Variants in PIP5K1B observed in about 807,000 individuals in gnomAD.
The protein encoded by PIP5K1B is phosphatidylinositol 4-phosphate 5-kinase type-1 beta.
In PIP5K1B, 42 loss-of-function variants were observed where a neutral mutation model predicts 67.0. The observed-to-expected ratio is 0.63, with a 90% CI of 0.49 to 0.81. The LOEUF (loss-of-function observed/expected upper bound fraction) is 0.81, where lower values mean the gene tolerates loss of function less well. Ranked by LOEUF, PIP5K1B falls within the 30% of genes least tolerant of loss-of-function variation. The pLI, the probability that PIP5K1B is intolerant of heterozygous loss-of-function variation, is 0.00. For missense variants in PIP5K1B, 459 were observed against 646.3 expected, an observed-to-expected ratio of 0.71 and a Z score of 3.14; for synonymous variants, 214 against 231.4, an observed-to-expected ratio of 0.92 and a Z score of 0.68.
At chr9:68,883,617 CT>C (rs1564204416) in intron 6 of PIP5K1B, among the ~76,000 whole-genome samples, 2 of 152,028 alleles carry the variant, frequency 1.3e-5, no homozygotes, top group African/African-American at 4.8e-5. Flanking sequence ...TTCTTTCAGT[CT>C]CCCTCCTTTC....
At chr9:68,972,203 AT>A (rs770493213) in intron 14 of PIP5K1B, among the ~76,000 whole-genome samples, 3 of 152,186 alleles carry the variant, frequency 2.0e-5, no homozygotes, top group Non-Finnish European at 4.4e-5. Flanking sequence ...TTTTCTGCAT[AT>A]GGCTAGCCAG....
intron 4 of PIP5K1B, among the ~76,000 whole-genome samples, chr9:68,844,593 CAGTGGGGGAGATCCAATGGGGGAGATCT>C (rs1189765232): frequency 6.6e-6 from 1 of 151,024 alleles, no homozygotes; most frequent in Non-Finnish European, 1.5e-5. Context: ...GGGGGAGATC[CAGTGGGGGAGATCCAATGGGGGAGATCT>C]AATGGGGGAG....
In PIP5K1B at chr9:68,925,795, A is replaced by ATTTTTTTT. The variant is rs71353094; in HGVS notation, c.1201+2422_1201+2429dup. Among the ~76,000 whole-genome samples the ATTTTTTTT allele has an allele frequency of 4.3e-3, 318 of 73,250 alleles. 51 individuals carry two copies. The highest frequency in any genetic ancestry group is 7.0e-3 in the Admixed American group (34 of 4,868). 48.1% of individuals were successfully genotyped at this position (73,250 alleles called of 152,430 possible). A position where few individuals can be genotyped will look rare whatever the true frequency, so the allele number is the denominator to read the frequency against. ...ACATGAATACCAGCTTGTGGTTCCAATTTTTTTTTTTTTTTTTTTTGAGAC... is the reference window on the plus strand; with the variant it reads ...ACATGAATACCAGCTTGTGGTTCCAATTTTTTTTTTTTTTTTTTTTTTTTTTTTGAGAC... On this transcript the variant is annotated intron_variant, in intron 12 of 15. Coordinates refer to ENST00000265382, the MANE Select transcript of PIP5K1B (RefSeq NM_003558.4).
At chr9:68,990,715 G>C (rs1329487950) in intron 14 of PIP5K1B, among the ~76,000 whole-genome samples, 2 of 151,452 alleles carry the variant, frequency 1.3e-5, no homozygotes, top group African/African-American at 4.9e-5. Flanking sequence ...CCGGGCTAGA[G>C]TGCAGTGGTG....
intron 14 of PIP5K1B, among the ~76,000 whole-genome samples, chr9:68,961,126 C>T (rs1450737003): frequency 6.6e-6 from 1 of 151,168 alleles, no homozygotes; most frequent in Non-Finnish European, 1.5e-5. Context: ...AGGAGAATGG[C>T]GTGAACCCGG....
chr9:68,969,767 A>G (rs1322175981), intron 14 of PIP5K1B, among the ~76,000 whole-genome samples: 1 of 152,192 alleles, frequency 6.6e-6, no homozygotes, highest in East Asian at 1.9e-4. Flanking sequence ...TCATAAGTAA[A>G]CAAACTTCAG....
intron 4 of PIP5K1B, among the ~76,000 whole-genome samples, chr9:68,845,747 G>A (rs1305661734): frequency 2.6e-5 from 4 of 152,200 alleles, no homozygotes; most frequent in Admixed American, 2.6e-4. Context: ...ATAGCATCTT[G>A]ACTACAATGT....
At chr9:68,955,924 T>G (rs12338217) in intron 14 of PIP5K1B, among the ~76,000 whole-genome samples, 9,714 of 152,260 alleles carry the variant, frequency 0.064, 669 homozygotes, top group African/African-American at 0.17. Context: ...GATATTATTT[T>G]ATTTAATGCA....
intron 14 of PIP5K1B, among the ~76,000 whole-genome samples, chr9:68,946,374 T>C (rs1827802858): frequency 2.6e-5 from 4 of 151,854 alleles, no homozygotes; most frequent in Non-Finnish European, 5.9e-5. Flanking sequence ...CTCTCCAGAC[T>C]CTTTGTTCTT....
chr9:68,760,700 T>C (rs1830146561), intron 2 of PIP5K1B, among the ~76,000 whole-genome samples: 1 of 151,568 alleles, frequency 6.6e-6, no homozygotes, highest in African/African-American at 2.4e-5. Flanking sequence ...TGTAAGCTCC[T>C]TGAGTCCAAA....
Position 68,923,402 on chromosome 9 carries a change from A to G in PIP5K1B, c.1201+16A>G. ...AAAATTCAAGGTAAGATTCTTATGA[A>G]TTTTTTTTTTTACTTTTAGCAGCTA... On this transcript the variant is annotated intron_variant, in intron 12 of 15. Transcript: ENST00000265382. 1 of 1,185,830 alleles carries G rather than the reference A, an allele frequency of 8.4e-7. No homozygotes were observed. Among genetic ancestry groups the G allele is most frequent in the Non-Finnish European group, 1.2e-6 (1 of 855,978 alleles). The allele number at this position is 1,185,830 out of a possible 1,614,324, so 73.5% of individuals were successfully genotyped here. A position where few individuals can be genotyped will look rare whatever the true frequency, so the allele number is the denominator to read the frequency against.
chr9:68,988,398 CATAA>C (rs778188647), intron 14 of PIP5K1B, among the ~76,000 whole-genome samples: 2 of 146,240 alleles, frequency 1.4e-5, no homozygotes, highest in Non-Finnish European at 3.0e-5. Context: ...AAATAAAAAT[CATAA>C]ATAAAAACTC....
intron 4 of PIP5K1B, among the ~76,000 whole-genome samples, chr9:68,831,768 C>T (rs756283300): frequency 5.3e-5 from 8 of 152,060 alleles, no homozygotes; most frequent in Non-Finnish European, 8.8e-5. Context: ...CTCCGCTGCC[C>T]GGGTTCAAGC....
intron 14 of PIP5K1B, among the ~76,000 whole-genome samples, chr9:68,987,614 A>G (rs1830148717): frequency 6.6e-6 from 1 of 152,152 alleles, no homozygotes. Context: ...AATGTGGACT[A>G]TTGTATTAGT....
intron 2 of PIP5K1B, among the ~76,000 whole-genome samples, chr9:68,764,441 C>G (rs1830334309): frequency 6.6e-6 from 1 of 151,982 alleles, no homozygotes; most frequent in African/African-American, 2.4e-5. Context: ...TGTTTGAGGA[C>G]CTGTAGTTCA....
intron 2 of PIP5K1B, among the ~76,000 whole-genome samples, chr9:68,792,928 T>C (rs1270322632): frequency 6.6e-6 from 1 of 152,210 alleles, no homozygotes; most frequent in East Asian, 1.9e-4. Context: ...CACACTGGGC[T>C]AGTCTCTTAG....
chr9:68,721,016 A>T (rs1587339203), intron 1 of PIP5K1B, among the ~76,000 whole-genome samples: 3 of 152,216 alleles, frequency 2.0e-5, no homozygotes, highest in African/African-American at 7.2e-5. Context: ...GCATGACATC[A>T]TGAAGCTTGT....
At chr9:68,987,882 A>C (rs1416954400) in intron 14 of PIP5K1B, among the ~76,000 whole-genome samples, 2 of 152,218 alleles carry the variant, frequency 1.3e-5, no homozygotes, top group African/African-American at 4.8e-5. Context: ...ATTATCTCCC[A>C]CCAGGTCCTT....
At chr9:69,007,727 G>GGT (rs1179060028) in intron 15 of PIP5K1B, among the ~76,000 whole-genome samples, 7 of 152,076 alleles carry the variant, frequency 4.6e-5, no homozygotes, top group Non-Finnish European at 1.0e-4. Context: ...CGTGATGGCA[G>GGT]GCAGCTGTAG....
Sources: allele counts gnomAD v4.1 joint callset (sites outside exome capture counted in the v4.1 genomes callset), GRCh38; gene constraint gnomAD v4.1.1; transcripts MANE v1.5; gene names NCBI Gene and HGNC (gene_info 2026-07-23, HGNC 2026-07-21).